MTHFD2: variants seen among roughly 807,000 people sequenced by gnomAD.
MTHFD2 encodes the protein methylenetetrahydrofolate dehydrogenase (NADP+ dependent) 2, methenyltetrahydrofolate cyclohydrolase.
In MTHFD2, 26 loss-of-function variants were observed where a neutral mutation model predicts 36.8. The ratio of observed to expected loss-of-function variants is 0.71; its 90% CI spans 0.52 to 0.98. The LOEUF is 0.98. Among genes scored for constraint, MTHFD2 ranks in the 50% least tolerant of loss-of-function variants. The pLI is 0.00. For synonymous variants in MTHFD2, 164 were observed against 155.2 expected (o/e 1.06, Z -0.42); for missense variants, 373 against 434.0 (o/e 0.86, Z 1.25).
intron 7 of MTHFD2, among the ~76,000 whole-genome samples, chr2:74,212,999 G>A (rs1193334202): frequency 6.6e-6 from 1 of 151,812 alleles, no homozygotes; most frequent in African/African-American, 2.4e-5. Flanking sequence ...CCACCTCCCA[G>A]GTTCAAGTGA....
rs1016490905 is a variant in MTHFD2, at chr2:74,211,606, A to G, written c.764-135A>G. 30 of 817,464 alleles carry G rather than the reference A, an allele frequency of 3.7e-5. No individual in the cohort carries two copies. The Admixed American group carries it at 5.2e-4, about 14-fold the overall frequency. 50.6% of individuals were successfully genotyped at this position (817,464 alleles called of 1,614,324 possible). On this transcript the variant is annotated intron_variant, in intron 6 of 7. Coordinates refer to ENST00000394053, the MANE Select transcript of MTHFD2 (RefSeq NM_006636.4). The stretch of plus-strand genomic sequence containing the variant: ...AAATAATAAAAGTAAATAGTTCCTT[A>G]GTTAATATTTTTAACAGGTTTTAAT...
At chr2:74,212,438 G>A (rs1183114075) in intron 7 of MTHFD2, among the ~76,000 whole-genome samples, 1 of 151,404 alleles carries the variant, frequency 6.6e-6, no homozygotes, top group East Asian at 1.9e-4. Context: ...AACTAATTTT[G>A]TGTATTTTTA....
At chr2:74,212,935 C>T (rs1694339783) in intron 7 of MTHFD2, among the ~76,000 whole-genome samples, 1 of 151,480 alleles carries the variant, frequency 6.6e-6, no homozygotes, top group Non-Finnish European at 1.5e-5. Context: ...GGCAGAGTCT[C>T]ACTCTGTTGC....
Position 74,208,686 on chromosome 2 carries a change from C to T in MTHFD2, c.527C>T (p.Thr176Ile). 1 of 1,614,138 alleles carries T rather than the reference C, an allele frequency of 6.2e-7. No individual in the cohort carries two copies. The highest frequency in any genetic ancestry group is 8.5e-7 in the Non-Finnish European group (1 of 1,180,022). The change falls in exon 4 of 8, where the codon ACT becomes ATT. Residue 176 changes from threonine (T) to isoleucine (I), a missense_variant. Physicochemically the swap from Thr to Ile is moderately conservative, Grantham distance 89. Coordinates refer to ENST00000394053, the MANE Select transcript of MTHFD2 (RefSeq NM_006636.4). ...GATCAGTATTCCATGTTACCGGCTA[C>T]TCCATGGGGTGTGTGGGAAATAATC... is the stretch of plus-strand genomic sequence containing the variant. ...CLDQYSMLPATPWGVWEIIKR... is the reference protein window; with the variant it reads ...CLDQYSMLPAIPWGVWEIIKR...
chr2:74,200,678 C>G (rs1572982310), intron 1 of MTHFD2, among the ~76,000 whole-genome samples: 1 of 151,836 alleles, frequency 6.6e-6, no homozygotes, highest in Non-Finnish European at 1.5e-5. Context: ...GCCTTTGAAT[C>G]TTGTTTCTAC....
Position 74,214,142 on chromosome 2 carries a change from C to T in MTHFD2, c.953C>T (p.Ala318Val). 2 of 1,614,044 alleles carry T rather than the reference C, an allele frequency of 1.2e-6. No individual in the cohort carries two copies. Among genetic ancestry groups the T allele is most frequent in the Non-Finnish European group, 1.7e-6 (2 of 1,179,962 alleles). ...GGAGGTGTTGGCCCCATGACAGTGG[C>T]AATGCTAATGAAGAATACCATTATT... is the stretch of plus-strand genomic sequence containing the variant. ...VPGGVGPMTV[A>V]MLMKNTIIAA... The change falls in exon 8 of 8, where the codon GCA becomes GTA. Residue 318 changes from alanine (A) to valine (V), a missense_variant. Ala to Val is a moderately conservative substitution (Grantham distance 64). This residue lies in a region of MTHFD2 where 308 missense variants were observed against 397.8 expected (regional missense o/e 0.77). Transcript: ENST00000394053.
chr2:74,213,258 T>C (rs1694347959), intron 7 of MTHFD2, among the ~76,000 whole-genome samples: 1 of 148,648 alleles, frequency 6.7e-6, no homozygotes, highest in African/African-American at 2.5e-5. Context: ...CTGATAATCC[T>C]TTTTTTCTTT....
At chr2:74,203,682 C>T (rs377210944) in intron 1 of MTHFD2, among the ~76,000 whole-genome samples, 5 of 151,910 alleles carry the variant, frequency 3.3e-5, no homozygotes, top group Non-Finnish European at 7.4e-5. Flanking sequence ...TTTATCTGAC[C>T]CTACAGGATA....
At chr2:74,202,242 A>G (rs911125215) in intron 1 of MTHFD2, among the ~76,000 whole-genome samples, 2 of 152,000 alleles carry the variant, frequency 1.3e-5, no homozygotes, top group African/African-American at 4.8e-5. Flanking sequence ...ATACATGTGT[A>G]TGTGTGTGTA....
chr2:74,208,403 T>C (rs1694230162), intron 3 of MTHFD2, among the ~76,000 whole-genome samples, 166 bp from the exon 4 acceptor site: 1 of 152,204 alleles, frequency 6.6e-6, no homozygotes, highest in African/African-American at 2.4e-5. Context: ...TTGGCTTTGC[T>C]ATTGGTGTTT....
At chr2:74,203,479 C>T (rs1572984062) in intron 1 of MTHFD2, among the ~76,000 whole-genome samples, 2 of 151,938 alleles carry the variant, frequency 1.3e-5, no homozygotes, top group African/African-American at 4.8e-5. Context: ...CTTTAAAATC[C>T]CATTTAAATT....
In MTHFD2 at chr2:74,214,305, T is replaced by A. The variant is rs921605889; in HGVS notation, c.*63T>A. 4 of 1,520,404 alleles carry A rather than the reference T, an allele frequency of 2.6e-6. No individual in the cohort carries two copies. The African/African-American group carries it at 4.2e-5, about 16-fold the overall frequency. The allele number at this position is 1,520,404 out of a possible 1,614,324, so 94.2% of individuals were successfully genotyped here. On this transcript the variant is annotated 3_prime_UTR_variant, in exon 8 of 8. Coordinates refer to ENST00000394053, the MANE Select transcript of MTHFD2 (RefSeq NM_006636.4). ...CAGCTCAAGAAGCAAAGCAGGCCAA[T>A]AGAAATGCAATATTTTTAATTTATT...
chr2:74,204,677 G>A (rs1694137273), intron 1 of MTHFD2, among the ~76,000 whole-genome samples: 1 of 152,116 alleles, frequency 6.6e-6, no homozygotes, highest in Non-Finnish European at 1.5e-5. Context: ...GATATGGTGG[G>A]GTCCCTGGGA....
At position 74,211,649 on chromosome 2, in the gene MTHFD2, TC is replaced by T. The variant is rs1463998404; in HGVS notation, c.764-91del. ...GTTTTAATAAAACATGTTGATTAGT[TC>T]TTCAGGGTCTCTTGAAATTGAAGTT... is the stretch of plus-strand genomic sequence containing the variant. On this transcript the variant is annotated intron_variant, in intron 6 of 7. Coordinates refer to ENST00000394053, the MANE Select transcript of MTHFD2 (RefSeq NM_006636.4). 8.8e-6 allele frequency: 11 copies of T among 1,245,110 alleles called. No homozygotes were observed. The African/African-American group carries it at 1.7e-4, about 19-fold the overall frequency. 77.1% of individuals were successfully genotyped at this position (1,245,110 alleles called of 1,614,324 possible).
intron 6 of MTHFD2, 82 bp from the exon 7 acceptor site, chr2:74,211,659 C>A: frequency 1.5e-6 from 2 of 1,338,436 alleles, no homozygotes; most frequent in Middle Eastern, 5.2e-4. Context: ...TCTTCAGGGT[C>A]TCTTGAAATT....
chr2:74,211,420 A>G, intron 6 of MTHFD2, 129 bp downstream of exon 6: 1 of 636,226 alleles, frequency 1.6e-6, no homozygotes, highest in Non-Finnish European at 2.7e-6. Context: ...AGCTGCCTAC[A>G]AAGATGAGGA....
intron 1 of MTHFD2, among the ~76,000 whole-genome samples, chr2:74,199,049 G>A (rs1174647466): frequency 1.3e-5 from 2 of 152,224 alleles, no homozygotes; most frequent in African/African-American, 4.8e-5. Flanking sequence ...GGTGGCGTGC[G>A]GAACGCGAAG....
At chr2:74,200,443 A>G (rs1004087152) in intron 1 of MTHFD2, among the ~76,000 whole-genome samples, 1 of 151,860 alleles carries the variant, frequency 6.6e-6, no homozygotes, top group Non-Finnish European at 1.5e-5. Flanking sequence ...CAATTCCCAC[A>G]TATTGCTTTC....
chr2:74,204,788 T>A (rs1023474423), intron 1 of MTHFD2, among the ~76,000 whole-genome samples: 28 of 152,202 alleles, frequency 1.8e-4, no homozygotes, highest in Admixed American at 9.8e-4. Context: ...TGGGGAGTGG[T>A]GGTCATTTTG....
Sources: allele counts gnomAD v4.1 joint callset (sites outside exome capture counted in the v4.1 genomes callset), GRCh38; gene constraint gnomAD v4.1.1; regional missense constraint gnomAD v4.1.1; transcripts MANE v1.5; gene names NCBI Gene and HGNC (gene_info 2026-07-23, HGNC 2026-07-21).